The following GRM2 variants were observed in gnomAD, a reference collection of about 807,000 sequenced individuals.
GRM2 encodes metabotropic glutamate receptor 2.
Under a neutral mutation model 60.4 loss-of-function variants are expected in GRM2, and 35 were observed. The ratio of observed to expected loss-of-function variants is 0.58; its 90% CI spans 0.44 to 0.77. The LOEUF is 0.77. GRM2 is among the 30% of genes least tolerant of loss of function. The pLI is 0.00. For synonymous variants in GRM2, 437 were observed against 484.1 expected, an observed-to-expected ratio of 0.90 and a Z score of 1.28; for missense variants, 925 against 1,199.5, an observed-to-expected ratio of 0.77 and a Z score of 3.38.
chr3:51,709,220 G>A lies in GRM2; in HGVS notation c.237G>A (p.Leu79=), dbSNP rs774780450. The A allele has an allele frequency of 1.9e-6, 3 of 1,609,054 alleles. No homozygotes were observed. The highest frequency in any genetic ancestry group is 2.5e-6 in the Non-Finnish European group (3 of 1,177,210). ...LDRINRDPHL[L]PGVRLGAHIL... ...GCATCAACCGTGACCCGCACCTGCT[G>A]CCTGGCGTGCGCCTGGGTGCACACA... Residue 79 remains leucine, a synonymous_variant, in exon 2 of 6, where the codon CTG becomes CTA. Coordinates refer to ENST00000395052, the MANE Select transcript of GRM2 (RefSeq NM_000839.5).
rs181998301 is a variant in GRM2 at position 51,712,400 on chromosome 3, A to G, written c.451-73A>G. The G allele has an allele frequency of 3.9e-5, 38 of 968,042 alleles. No individual in the cohort carries two copies. The African/African-American group carries it at 4.5e-4, about 11-fold the overall frequency. The allele number at this position is 968,042 out of a possible 1,614,324, so 60.0% of individuals were successfully genotyped here. On this transcript the variant is annotated intron_variant, in intron 2 of 5. Transcript: ENST00000395052. The surrounding 1 kb of genome is among the most constrained non-coding windows in gnomAD (Gnocchi z 5.3). ...TGGACACTTGACACCAAGACCTGCTAGCTGTGGGGGATGCACCTGTCTCTA... is the reference window on the plus strand; with the variant it reads ...TGGACACTTGACACCAAGACCTGCTGGCTGTGGGGGATGCACCTGTCTCTA...
chr3:51,712,499 G>T lies in GRM2; in HGVS notation c.477G>T (p.Gln159His). Residue 159 changes from glutamine to histidine, a missense_variant, in exon 3 of 6, where the codon CAG (glutamine) becomes CAT (histidine). Gln to His is a conservative substitution (Grantham distance 24). Coordinates refer to ENST00000395052, the MANE Select transcript of GRM2 (RefSeq NM_000839.5). The surrounding 1 kb of genome is among the most constrained non-coding windows in gnomAD (Gnocchi z 5.3). The part of the protein sequence containing the change: ...IQVANLLRLF[Q>H]IPQISYASTS... ...TGGCCAACCTCTTGAGGCTATTTCA[G>T]ATCCCACAGATTAGCTACGCCTCTA... is the stretch of plus-strand genomic sequence containing the variant. The T allele has an allele frequency of 6.2e-7, 1 of 1,613,644 alleles. No homozygotes were observed. Among genetic ancestry groups the T allele is most frequent in the Non-Finnish European group, 8.5e-7 (1 of 1,179,688 alleles).
rs769459008 is a variant in GRM2 at position 51,717,737 on chromosome 3, A to G, written c.2465A>G (p.Gln822Arg). The G allele has an allele frequency of 6.2e-7, 1 of 1,614,132 alleles. No homozygotes were observed. The change falls in exon 5 of 6, where the codon CAG (glutamine) becomes CGG (arginine). Residue 822 changes from glutamine (Q) to arginine (R), a missense_variant. Coordinates refer to ENST00000395052, the MANE Select transcript of GRM2 (RefSeq NM_000839.5). This position sits in a 1 kb window ranked among gnomAD's most constrained non-coding sequence, Gnocchi z 6.0. ...CTGCACATCATCCTCTTCCAGCCGC[A>G]GAAGAACGTGGTTAGCCACCGGGCA... ...PKLHIILFQP[Q>R]KNVVSHRAPT...
At position 51,717,669 on chromosome 3, in the gene GRM2, C is replaced by T; in HGVS notation, c.2397C>T (p.Ser799=). The T allele has an allele frequency of 6.2e-7, 1 of 1,613,844 alleles. No homozygotes were observed. Among genetic ancestry groups the T allele is most frequent in the Non-Finnish European group, 8.5e-7 (1 of 1,179,980 alleles). Reference sequence around the variant, plus strand: ...CCACCACCATGTGCGTGTCAGTCAGCCTCAGCGGCTCCGTGGTGCTTGGCT... The same window carrying T: ...CCACCACCATGTGCGTGTCAGTCAGTCTCAGCGGCTCCGTGGTGCTTGGCT... ...VQTTTMCVSV[S]LSGSVVLGCL... Residue 799 remains serine, a synonymous_variant, in exon 5 of 6, where the codon AGC becomes AGT. Transcript: ENST00000395052. The surrounding 1 kb of genome is among the most constrained non-coding windows in gnomAD (Gnocchi z 6.0).
At position 51,712,938 on chromosome 3, in the gene GRM2, G is replaced by A. The variant is rs1427030701; in HGVS notation, c.916G>A (p.Gly306Ser). ...GWGALESVVA[G>S]SEGAAEGAIT... ...GGGGGCCCTGGAGAGTGTGGTGGCA[G>A]GCAGTGAGGGGGCTGCTGAGGGTGC... Residue 306 changes from glycine (G) to serine (S), a missense_variant, in exon 3 of 6, where the codon GGC becomes AGC. Transcript: ENST00000395052. This position sits in a 1 kb window ranked among gnomAD's most constrained non-coding sequence, Gnocchi z 5.3. 2 of 1,612,998 alleles carry A rather than the reference G, an allele frequency of 1.2e-6. No homozygotes were observed. The highest frequency in any genetic ancestry group is 2.7e-5 in the African/African-American group (2 of 74,942).
intron 2 of GRM2, 137 bp downstream of exon 2, chr3:51,709,570 A>AGCTTTACAGT: frequency 1.6e-6 from 1 of 621,298 alleles, no homozygotes; most frequent in Non-Finnish European, 2.8e-6. Context: ...GCTTTTACAG[A>AGCTTTACAGT]AGCTAAGAAA....
At position 51,712,723 on chromosome 3, in the gene GRM2, G is replaced by A. The variant is rs760319854; in HGVS notation, c.701G>A (p.Cys234Tyr). The change falls in exon 3 of 6, where the codon TGT becomes TAT. Residue 234 changes from cysteine (C) to tyrosine (Y), a missense_variant. Coordinates refer to ENST00000395052, the MANE Select transcript of GRM2 (RefSeq NM_000839.5). This position sits in a 1 kb window ranked among gnomAD's most constrained non-coding sequence, Gnocchi z 5.3. ...FELEARARNICVATSEKVGRA... is the reference protein window; with the variant it reads ...FELEARARNIYVATSEKVGRA... ...CTAGAGGCTCGTGCCCGCAACATCT[G>A]TGTGGCCACCTCGGAGAAAGTGGGC... The A allele has an allele frequency of 6.2e-7, 1 of 1,613,742 alleles. No individual in the cohort carries two copies. Among genetic ancestry groups the A allele is most frequent in the South Asian group, 1.1e-5 (1 of 91,080 alleles).
chr3:51,710,289 C>T (rs1382028184), intron 2 of GRM2, among the ~76,000 whole-genome samples: 5 of 152,336 alleles, frequency 3.3e-5, no homozygotes, highest in East Asian at 1.9e-4. Flanking sequence ...CCACTGTGCC[C>T]GGCCCACAAC....
At chr3:51,709,801 A>C (rs1227617349) in intron 2 of GRM2, among the ~76,000 whole-genome samples, 8 of 97,838 alleles carry the variant, frequency 8.2e-5, no homozygotes, top group Admixed American at 2.3e-4. Context: ...CACACCCCAC[A>C]CCCACCCCCA....
chr3:51,718,467 C>T lies in GRM2; in HGVS notation c.*355C>T, dbSNP rs556537388. 5.1e-5 allele frequency: 13 copies of T among 255,052 alleles called. No individual in the cohort carries two copies. The highest frequency in any genetic ancestry group is 7.5e-5 in the Non-Finnish European group (10 of 133,578). The allele number at this position is 255,052 out of a possible 1,614,324, so 15.8% of individuals were successfully genotyped here. The stretch of plus-strand genomic sequence containing the variant: ...GGTGCTTCCAGCCCAGCCCCTCCCC[C>T]CAACTAGGGCCTTTTTTATTTTTTA... On this transcript the variant is annotated 3_prime_UTR_variant, in exon 6 of 6. Coordinates refer to ENST00000395052, the MANE Select transcript of GRM2 (RefSeq NM_000839.5). The surrounding 1 kb of genome is among the most constrained non-coding windows in gnomAD (Gnocchi z 4.2).
In GRM2 at chr3:51,717,615, T is replaced by G; in HGVS notation, c.2365-22T>G. The stretch of plus-strand genomic sequence containing the variant: ...AGGCCCAGGTCTTGACCTGTGCTTG[T>G]TCACCCACTCACCCACCGCAGGTAC... On this transcript the variant is annotated intron_variant, in intron 4 of 5. Transcript: ENST00000395052. This position sits in a 1 kb window ranked among gnomAD's most constrained non-coding sequence, Gnocchi z 6.0. The G allele has an allele frequency of 1.9e-6, 3 of 1,604,896 alleles. No individual in the cohort carries two copies. The South Asian group carries it at 3.3e-5, about 18-fold the overall frequency.
At chr3:51,710,629 T>G (rs1455300543) in intron 2 of GRM2, among the ~76,000 whole-genome samples, 1 of 115,858 alleles carries the variant, frequency 8.6e-6, no homozygotes, top group Non-Finnish European at 1.7e-5. Context: ...AAACAGAATA[T>G]GTGTCGGGGG....
At position 51,716,164 on chromosome 3, in the gene GRM2, G is replaced by C. The variant is rs755369164; in HGVS notation, c.2364+27G>C. 1.4e-6 allele frequency: 2 copies of C among 1,440,030 alleles called. No homozygotes were observed. Among genetic ancestry groups the C allele is most frequent in the Non-Finnish European group, 2.0e-6 (2 of 1,022,552 alleles). 89.2% of individuals were successfully genotyped at this position (1,440,030 alleles called of 1,614,324 possible). ...TGAGCTACCTGCCACAGAGGTCGGG[G>C]GAGATGGGACACCAGACCCTCTGTT... On this transcript the variant is annotated intron_variant, in intron 4 of 5. Coordinates refer to ENST00000395052, the MANE Select transcript of GRM2 (RefSeq NM_000839.5). The surrounding 1 kb of genome is among the most constrained non-coding windows in gnomAD (Gnocchi z 4.0).
At position 51,717,614 on chromosome 3, in the gene GRM2, G is replaced by T. The variant is rs745429758; in HGVS notation, c.2365-23G>T. The T allele has an allele frequency of 4.4e-6, 7 of 1,604,476 alleles. No homozygotes were observed. The highest frequency in any genetic ancestry group is 4.5e-5 in the East Asian group (2 of 44,802). On this transcript the variant is annotated intron_variant, in intron 4 of 5. Coordinates refer to ENST00000395052, the MANE Select transcript of GRM2 (RefSeq NM_000839.5). This position sits in a 1 kb window ranked among gnomAD's most constrained non-coding sequence, Gnocchi z 6.0. ...CAGGCCCAGGTCTTGACCTGTGCTTGTTCACCCACTCACCCACCGCAGGTA... is the reference window on the plus strand; with the variant it reads ...CAGGCCCAGGTCTTGACCTGTGCTTTTTCACCCACTCACCCACCGCAGGTA...
At position 51,716,944 on chromosome 3, in the gene GRM2, G is replaced by A. The variant is rs898225611; in HGVS notation, c.2365-693G>A. Among the ~76,000 whole-genome samples, 5 of 152,172 alleles carry A rather than the reference G, an allele frequency of 3.3e-5. No homozygotes were observed. The highest frequency in any genetic ancestry group is 2.1e-4 in the South Asian group (1 of 4,834). On this transcript the variant is annotated intron_variant, in intron 4 of 5. Coordinates refer to ENST00000395052, the MANE Select transcript of GRM2 (RefSeq NM_000839.5). The surrounding 1 kb of genome is among the most constrained non-coding windows in gnomAD (Gnocchi z 4.0). ...GGCACAGTGCTGGGGGCCAGGGACC[G>A]CTGGGCTTGGCTGCTCTGCTTGCAC...
Position 51,715,598 on chromosome 3 carries a change from C to G in GRM2, c.1825C>G (p.Leu609Val), listed in dbSNP as rs1433907291. Residue 609 changes from leucine (L) to valine (V), a missense_variant, in exon 4 of 6, where the codon CTG becomes GTG. By Grantham distance (32) the Leu-to-Val change is conservative (BLOSUM62 1). Transcript: ENST00000395052. This position sits in a 1 kb window ranked among gnomAD's most constrained non-coding sequence, Gnocchi z 9.0. ...CTCAGGTCGGGAGCTCTGCTACATC[C>G]TGCTGGGTGGTGTCTTCCTCTGCTA... The part of the protein sequence containing the change: ...KASGRELCYI[L>V]LGGVFLCYCM... 1 of 1,614,250 alleles carries G rather than the reference C, an allele frequency of 6.2e-7. No individual in the cohort carries two copies. The highest frequency in any genetic ancestry group is 1.7e-5 in the Admixed American group (1 of 60,034).
In GRM2 at chr3:51,718,220, C is replaced by A; in HGVS notation, c.*108C>A. 1 of 911,572 alleles carries A rather than the reference C, an allele frequency of 1.1e-6. No homozygotes were observed. Among genetic ancestry groups the A allele is most frequent in the Non-Finnish European group, 1.8e-6 (1 of 543,528 alleles). 56.5% of individuals were successfully genotyped at this position (911,572 alleles called of 1,614,324 possible). On this transcript the variant is annotated 3_prime_UTR_variant, in exon 6 of 6. Coordinates refer to ENST00000395052, the MANE Select transcript of GRM2 (RefSeq NM_000839.5). This position sits in a 1 kb window ranked among gnomAD's most constrained non-coding sequence, Gnocchi z 4.2. ...GAGCACTGCAATAATTTATTACCCA[C>A]CCTATGTCTGCCCCCAAAGTCACTT...
Position 51,712,510 on chromosome 3 carries a change from T to C in GRM2, c.488T>C (p.Ile163Thr). Residue 163 changes from isoleucine (I) to threonine (T), a missense_variant, in exon 3 of 6, where the codon ATT becomes ACT. Physicochemically the swap from Ile to Thr is moderately conservative, Grantham distance 89 (BLOSUM62 -1). Coordinates refer to ENST00000395052, the MANE Select transcript of GRM2 (RefSeq NM_000839.5). The surrounding 1 kb of genome is among the most constrained non-coding windows in gnomAD (Gnocchi z 5.3). ...TTGAGGCTATTTCAGATCCCACAGA[T>C]TAGCTACGCCTCTACCAGTGCCAAG... is the stretch of plus-strand genomic sequence containing the variant. ...NLLRLFQIPQ[I>T]SYASTSAKLS... 1 of 1,614,014 alleles carries C rather than the reference T, an allele frequency of 6.2e-7. No individual in the cohort carries two copies. Among genetic ancestry groups the C allele is most frequent in the Non-Finnish European group, 8.5e-7 (1 of 1,179,948 alleles).
rs1478620539 is a variant in GRM2 at position 51,717,621 on chromosome 3, C to T, written c.2365-16C>T. The stretch of plus-strand genomic sequence containing the variant: ...AGGTCTTGACCTGTGCTTGTTCACC[C>T]ACTCACCCACCGCAGGTACAGACCA... On this transcript the variant is annotated splice_polypyrimidine_tract_variant and intron_variant, in intron 4 of 5. Transcript: ENST00000395052. The surrounding 1 kb of genome is among the most constrained non-coding windows in gnomAD (Gnocchi z 6.0). The T allele has an allele frequency of 6.2e-7, 1 of 1,606,962 alleles. No homozygotes were observed. The highest frequency in any genetic ancestry group is 8.5e-7 in the Non-Finnish European group (1 of 1,175,850).
Sources: allele counts gnomAD v4.1 joint callset (sites outside exome capture counted in the v4.1 genomes callset), GRCh38; gene constraint gnomAD v4.1.1; non-coding constraint Gnocchi (gnomAD v3.1); transcripts MANE v1.5; gene names NCBI Gene and HGNC (gene_info 2026-07-23, HGNC 2026-07-21).